SLC29A4: variants seen among roughly 807,000 people sequenced by gnomAD.
The protein encoded by SLC29A4 is equilibrative nucleoside transporter 4.
A neutral mutation model predicts 43.9 loss-of-function variants in SLC29A4; 36 were observed. The observed-to-expected ratio is 0.82, with a 90% CI of 0.63 to 1.08. The LOEUF (loss-of-function observed/expected upper bound fraction) is 1.08. Among genes scored for constraint, SLC29A4 ranks in the 50% least tolerant of loss-of-function variants. The probability of loss-of-function intolerance (pLI) is 0.00; values close to 1 mark genes in which losing one functional copy is unlikely to be tolerated. For missense variants in SLC29A4, 869 were observed against 755.3 expected (o/e 1.15, Z -1.77); for synonymous variants, 491 against 338.0 (o/e 1.45, Z -4.97).
chr7:5,295,320 C>G (rs893427605), intron 6 of SLC29A4, among the ~76,000 whole-genome samples: 1 of 152,110 alleles, frequency 6.6e-6, no homozygotes, highest in African/African-American at 2.4e-5. Context: ...CCTACAGCAC[C>G]GCGCTCTCCT....
intron 5 of SLC29A4, among the ~76,000 whole-genome samples, chr7:5,292,834 G>C (rs568919364): frequency 7.9e-4 from 119 of 150,870 alleles, no homozygotes; most frequent in African/African-American, 2.7e-3. Flanking sequence ...AAGTAACTGG[G>C]ATTACAGGTG....
intron 5 of SLC29A4, among the ~76,000 whole-genome samples, chr7:5,293,595 C>G (rs1279153693): frequency 6.6e-6 from 1 of 152,138 alleles, no homozygotes. Flanking sequence ...TGAACTAATA[C>G]TCCCAATACT....
chr7:5,294,992 C>A, intron 6 of SLC29A4, 58 bp downstream of exon 6: 1 of 1,493,672 alleles, frequency 6.7e-7, no homozygotes, highest in Non-Finnish European at 9.0e-7. Context: ...GCTCTGGAAG[C>A]TTCTTCCCAG....
Position 5,291,783 on chromosome 7 carries a change from A to T in SLC29A4, c.506A>T (p.Asn169Ile). The T allele has an allele frequency of 6.2e-7, 1 of 1,611,926 alleles. No homozygotes were observed. The highest frequency in any genetic ancestry group is 8.5e-7 in the Non-Finnish European group (1 of 1,179,768). Residue 169 changes from asparagine (N) to isoleucine (I), a missense_variant, in exon 5 of 11, where the codon AAC (asparagine) becomes ATC (isoleucine). Coordinates refer to ENST00000396872, the MANE Select transcript of SLC29A4 (RefSeq NM_153247.4). ...LFSRDQAYAI[N>I]LAAVGTVAFG... ...TCTCGGGACCAGGCCTACGCCATCAACCTGGCCGCTGTGGGCACCGTGGCC... is the reference window on the plus strand; with the variant it reads ...TCTCGGGACCAGGCCTACGCCATCATCCTGGCCGCTGTGGGCACCGTGGCC...
chr7:5,291,917 G>A (rs1433824977), intron 5 of SLC29A4, 96 bp downstream of exon 5: 3 of 1,511,998 alleles, frequency 2.0e-6, no homozygotes, highest in Non-Finnish European at 2.7e-6. Context: ...GTGACATGAT[G>A]GGAACCGGGC....
In SLC29A4 at chr7:5,300,823, C is replaced by A. The variant is rs541192669; in HGVS notation, c.1450+161C>A. 4.6e-5 allele frequency among the ~76,000 whole-genome samples: 7 copies of A among 152,372 alleles called. No homozygotes were observed. In the East Asian group the frequency reaches 1.3e-3, roughly 29 times the overall value. On this transcript the variant is annotated intron_variant, in intron 10 of 10. Transcript: ENST00000396872. ...GTAGGTGTGGGGACATTCTCAGCCA[C>A]TTCATTCACTCATTTATTCGTTCGT...
At chr7:5,285,146 C>T (rs1459918878) in intron 1 of SLC29A4, among the ~76,000 whole-genome samples, 1 of 152,190 alleles carries the variant, frequency 6.6e-6, no homozygotes, top group Non-Finnish European at 1.5e-5. Flanking sequence ...CCCAACGACT[C>T]TTGAGCTCAG....
At position 5,287,963 on chromosome 7, in the gene SLC29A4, C is replaced by T. The variant is rs771487953; in HGVS notation, c.147C>T (p.Gly49=). The change falls in exon 2 of 11, where the codon GGC becomes GGT. Residue 49 remains glycine, a synonymous_variant. Coordinates refer to ENST00000396872, the MANE Select transcript of SLC29A4 (RefSeq NM_153247.4). ...AAQGQGLRAR[G]VPAFTDTTLD... The stretch of plus-strand genomic sequence containing the variant: ...AGGGCCAGGGCCTTAGGGCCAGGGG[C>T]GTCCCAGCTTTCACGGATACTAGTA... The T allele has an allele frequency of 1.4e-5, 23 of 1,609,276 alleles. No homozygotes were observed. Among genetic ancestry groups the T allele is most frequent in the South Asian group, 4.4e-5 (4 of 90,706 alleles).
Position 5,290,814 on chromosome 7 carries a change from A to G in SLC29A4, c.252A>G (p.Pro84=), listed in dbSNP as rs534703901. 6.8e-6 allele frequency: 11 copies of G among 1,614,032 alleles called. No homozygotes were observed. Among genetic ancestry groups the G allele is most frequent in the South Asian group, 4.4e-5 (4 of 91,082 alleles). Residue 84 remains proline, a synonymous_variant, in exon 3 of 11, where the codon CCA becomes CCG. Transcript: ENST00000396872. ...TGGCTGGCGTGGGCTTCCTGCTGCCATACAACAGCTTCATCACGGACGTGG... is the reference window on the plus strand; with the variant it reads ...TGGCTGGCGTGGGCTTCCTGCTGCCGTACAACAGCTTCATCACGGACGTGG... ...MLLAGVGFLL[P]YNSFITDVDY... is the part of the protein sequence containing the mutation.
chr7:5,298,168 C>A (rs537020640), intron 7 of SLC29A4, among the ~76,000 whole-genome samples: 7 of 152,146 alleles, frequency 4.6e-5, no homozygotes, highest in Admixed American at 4.6e-4. Context: ...TGGCTGGGGA[C>A]GCTGAAGTGA....
At chr7:5,298,875 C>G (rs573027747) in intron 7 of SLC29A4, 113 bp from the exon 8 acceptor site, 1 of 1,204,174 alleles carries the variant, frequency 8.3e-7, no homozygotes, top group African/African-American at 1.5e-5. Context: ...TAGGTACCAC[C>G]TGAATGTCAG....
Position 5,300,421 on chromosome 7 carries a change from G to C in SLC29A4, c.1210-1G>C, listed in dbSNP as rs770335761. 4 of 1,611,174 alleles carry C rather than the reference G, an allele frequency of 2.5e-6. No homozygotes were observed. The highest frequency in any genetic ancestry group is 3.4e-6 in the Non-Finnish European group (4 of 1,179,712). On this transcript the variant is annotated splice_acceptor_variant, in intron 9 of 10. Coordinates refer to ENST00000396872, the MANE Select transcript of SLC29A4 (RefSeq NM_153247.4). LOFTEE classifies it high-confidence loss of function. ...GCGCCCACTTGCCTGGCTCTCTGCA[G>C]ATCCTGGCAGCCCTGCCCGTGGACT...
At chr7:5,300,753 G>T (rs1257362628) in intron 10 of SLC29A4, 91 bp downstream of exon 10, 1 of 1,509,206 alleles carries the variant, frequency 6.6e-7, no homozygotes, top group East Asian at 2.4e-5. Flanking sequence ...GCAGGAAGGT[G>T]CATTTGGGTT....
Position 5,303,091 on chromosome 7 carries a change from A to C in SLC29A4, c.*152A>C, listed in dbSNP as rs1786286957. 8 of 914,704 alleles carry C rather than the reference A, an allele frequency of 8.7e-6. No individual in the cohort carries two copies. Among genetic ancestry groups the C allele is most frequent in the Non-Finnish European group, 1.3e-5 (8 of 618,758 alleles). 56.7% of individuals were successfully genotyped at this position (914,704 alleles called of 1,614,324 possible). On this transcript the variant is annotated 3_prime_UTR_variant, in exon 11 of 11. Coordinates refer to ENST00000396872, the MANE Select transcript of SLC29A4 (RefSeq NM_153247.4). ...CTCCCTCAGGGTCCAGCCATGCCCC[A>C]CCCTGGACTGAAGTTCTGCAAAGTC...
At chr7:5,302,566 G>A (rs1422347798) in intron 10 of SLC29A4, among the ~76,000 whole-genome samples, 2 of 152,300 alleles carry the variant, frequency 1.3e-5, no homozygotes, top group East Asian at 3.9e-4. Flanking sequence ...TGGGGGCTTG[G>A]GGGACTCAGA....
intron 1 of SLC29A4, among the ~76,000 whole-genome samples, chr7:5,287,166 C>T (rs185465284): frequency 5.8e-4 from 88 of 152,324 alleles, no homozygotes; most frequent in African/African-American, 1.8e-3. Flanking sequence ...TGGCTTACGC[C>T]TGTAACCCCC....
chr7:5,293,800 C>G (rs1785467449), intron 5 of SLC29A4, among the ~76,000 whole-genome samples: 1 of 152,128 alleles, frequency 6.6e-6, no homozygotes, highest in East Asian at 1.9e-4. Context: ...CCACTGCACC[C>G]AGCTAATTTT....
rs565478842 is a variant in SLC29A4 at position 5,304,348 on chromosome 7, C to G, written c.*1409C>G. On this transcript the variant is annotated 3_prime_UTR_variant, in exon 11 of 11. Transcript: ENST00000396872. ...GATCAGGGAGGATGGCCACATGCAG[C>G]CCATTTGAAGGGGAAACAAAGTGGG... 3 of 146,716 alleles carry G rather than the reference C, an allele frequency of 2.0e-5. No individual in the cohort carries two copies. Among genetic ancestry groups the G allele is most frequent in the African/African-American group, 7.5e-5 (3 of 39,828 alleles). 9.1% of individuals were successfully genotyped at this position (146,716 alleles called of 1,614,324 possible).
intron 7 of SLC29A4, among the ~76,000 whole-genome samples, chr7:5,297,921 C>T (rs1241953712): frequency 6.6e-6 from 1 of 152,178 alleles, no homozygotes; most frequent in East Asian, 1.9e-4. Flanking sequence ...CCCTATCCCA[C>T]CATCCCTGGG....
Sources: allele counts gnomAD v4.1 joint callset (sites outside exome capture counted in the v4.1 genomes callset), GRCh38; gene constraint gnomAD v4.1.1; transcripts MANE v1.5; gene names NCBI Gene and HGNC (gene_info 2026-07-23, HGNC 2026-07-21).